Variants in SETD2 observed in about 807,000 individuals in gnomAD.
SETD2 encodes SET domain containing 2, histone lysine methyltransferase.
SETD2 carries 31 observed loss-of-function variants against 242.1 expected under a neutral mutation model. That is an observed-to-expected ratio of 0.13 (90% CI 0.10 to 0.17). SETD2 has a LOEUF of 0.17. Ranked by LOEUF, SETD2 falls within the 10% of genes least tolerant of loss-of-function variation. SETD2 has a pLI of 1.00. For missense variants in SETD2, 2,481 were observed against 3,046.3 expected (o/e 0.81, Z 4.37); for synonymous variants, 1,006 against 1,066.5 (o/e 0.94, Z 1.11).
chr3:47,121,549 T>A lies in SETD2; in HGVS notation c.3087A>T (p.Glu1029Asp), dbSNP rs1024384980. ...AATCTTCATGAACTGTAGACACAAT[T>A]TCTGGGGCATGACCACTACTGTCAC... ...LKCDSSGHAPEIVSTVHEDYS... is the reference protein window; with the variant it reads ...LKCDSSGHAPDIVSTVHEDYS... The change falls in exon 3 of 21, where the codon GAA becomes GAT. Residue 1029 changes from glutamate (E) to aspartate (D), a missense_variant. Glu to Asp is a conservative substitution (Grantham distance 45). This residue lies in a region of SETD2 where 1,300 missense variants were observed against 1,259.2 expected (regional missense o/e 1.03). Transcript: ENST00000409792. 6.2e-7 allele frequency: 1 copy of A among 1,614,050 alleles called. No homozygotes were observed. The highest frequency in any genetic ancestry group is 1.3e-5 in the African/African-American group (1 of 74,944).
intron 4 of SETD2, 61 bp downstream of exon 4, chr3:47,116,562 C>T (rs1248031523): frequency 6.6e-7 from 1 of 1,508,338 alleles, no homozygotes; most frequent in Admixed American, 2.0e-5. Flanking sequence ...ATTGATAATT[C>T]AATATTTAGA....
intron 12 of SETD2, among the ~76,000 whole-genome samples, chr3:47,082,603 G>C (rs929146712): frequency 9.2e-5 from 14 of 152,238 alleles, no homozygotes; most frequent in African/African-American, 3.1e-4. Context: ...TTAGAAAAAG[G>C]CCTGATTTCC....
At chr3:47,153,415 GCT>G (rs2044045407) in intron 1 of SETD2, among the ~76,000 whole-genome samples, 1 of 152,246 alleles carries the variant, frequency 6.6e-6, no homozygotes, top group East Asian at 1.9e-4. Context: ...TTTTGTCTTA[GCT>G]CTGTTGGCCA....
At chr3:47,148,032 G>A (rs2043900703) in intron 1 of SETD2, among the ~76,000 whole-genome samples, 1 of 151,898 alleles carries the variant, frequency 6.6e-6, no homozygotes, top group Admixed American at 6.6e-5. Flanking sequence ...ATACTCATTG[G>A]TGGGCTAAAA....
At chr3:47,020,170 C>T (rs929676943) in intron 18 of SETD2, among the ~76,000 whole-genome samples, 7 of 152,020 alleles carry the variant, frequency 4.6e-5, no homozygotes, top group African/African-American at 1.2e-4. Flanking sequence ...CAAGCAAGGC[C>T]GGCACAAAAC....
At chr3:47,144,152 A>G (rs532676309) in intron 1 of SETD2, among the ~76,000 whole-genome samples, 1 of 152,194 alleles carries the variant, frequency 6.6e-6, no homozygotes, top group South Asian at 2.1e-4. Context: ...ACAAAGAACT[A>G]CTCCAAGCTG....
chr3:47,115,853 C>T lies in SETD2; in HGVS notation c.4586+770G>A, dbSNP rs188853627. 7.7e-4 allele frequency among the ~76,000 whole-genome samples: 117 copies of T among 152,200 alleles called. 2 individuals carry two copies. The highest frequency in any genetic ancestry group is 2.6e-3 in the African/African-American group (110 of 41,524). ...TAGAGATGGGGTTTCACCATGTTGG[C>T]CAGGCTGATCCTAAACTCCTGGCCT... is the stretch of plus-strand genomic sequence containing the variant. On this transcript the variant is annotated intron_variant, in intron 4 of 20. Transcript: ENST00000409792.
rs2042756811 is a variant in SETD2 at position 47,113,982 on chromosome 3, C to G, written c.4609G>C (p.Asp1537His). Residue 1537 changes from aspartate (D) to histidine (H), a missense_variant, in exon 5 of 21, where the codon GAT (aspartate) becomes CAT (histidine). Around this residue, in one of 17 missense-constraint regions of SETD2, gnomAD observed 61 missense variants for 221.4 expected, o/e 0.28. Transcript: ENST00000409792. ...IECSSRCPNGDYCSNRRFQRK... is the reference protein window; with the variant it reads ...IECSSRCPNGHYCSNRRFQRK... ...TGAAACCGTCTATTGGAACAATAAT[C>G]CCCATTTGGACACCGAGAAGAACTG... is the stretch of plus-strand genomic sequence containing the variant. The G allele has an allele frequency of 7.4e-6, 12 of 1,611,196 alleles. No individual in the cohort carries two copies. Among genetic ancestry groups the G allele is most frequent in the Non-Finnish European group, 1.0e-5 (12 of 1,178,774 alleles).
intron 12 of SETD2, among the ~76,000 whole-genome samples, chr3:47,067,391 A>T (rs1348610312): frequency 6.7e-6 from 1 of 149,816 alleles, no homozygotes; most frequent in Non-Finnish European, 1.5e-5. Flanking sequence ...GGGCAAGGAT[A>T]CGCTTCCTGA....
At chr3:47,031,286 T>C (rs1386498185) in intron 18 of SETD2, among the ~76,000 whole-genome samples, 2 of 152,188 alleles carry the variant, frequency 1.3e-5, no homozygotes, top group African/African-American at 2.4e-5. Flanking sequence ...AGTAGATTCA[T>C]CAATTGTAAC....
At position 47,037,726 on chromosome 3, in the gene SETD2, G is replaced by A. The variant is rs760469263; in HGVS notation, c.7290C>T (p.Ser2430=). ...PTWESPGDDA[S]LEHEAEMDLG... ...GGTCCATCTCAGCTTCATGCTCAAGGCTGGCATCATCTCCTGGGCTTTCCC... is the reference window on the plus strand; with the variant it reads ...GGTCCATCTCAGCTTCATGCTCAAGACTGGCATCATCTCCTGGGCTTTCCC... Residue 2430 remains serine, a synonymous_variant, in exon 18 of 21, where the codon AGC becomes AGT. Coordinates refer to ENST00000409792, the MANE Select transcript of SETD2 (RefSeq NM_014159.7). 2.5e-6 allele frequency: 4 copies of A among 1,613,866 alleles called. No homozygotes were observed. The highest frequency in any genetic ancestry group is 4.5e-5 in the East Asian group (2 of 44,858).
chr3:47,084,990 C>G (rs2107642862), intron 11 of SETD2, among the ~76,000 whole-genome samples: 1 of 152,078 alleles, frequency 6.6e-6, no homozygotes, highest in East Asian at 1.9e-4. Flanking sequence ...CTCAGCCTCC[C>G]AAACTGCTGG....
rs1214033238 is a variant in SETD2, at chr3:47,120,466, T to C, written c.4170A>G (p.Ser1390=). 2.5e-6 allele frequency: 4 copies of C among 1,613,338 alleles called. No individual in the cohort carries two copies. The highest frequency in any genetic ancestry group is 3.4e-6 in the Non-Finnish European group (4 of 1,179,800). The change falls in exon 3 of 21, where the codon TCA becomes TCG. Residue 1390 remains serine, a synonymous_variant. Transcript: ENST00000409792. ...TLAVNEKKDF[S]KNLEKNDIKD... is the part of the protein sequence containing the mutation. ...TGATATCATTTTTTTCTAAGTTTTT[T>C]GAAAAATCTTTCTTTTCATTCACAG...
At position 47,120,344 on chromosome 3, in the gene SETD2, A is replaced by G. The variant is rs1226885899; in HGVS notation, c.4292T>C (p.Val1431Ala). The G allele has an allele frequency of 6.2e-7, 1 of 1,613,314 alleles. No individual in the cohort carries two copies. The highest frequency in any genetic ancestry group is 8.5e-7 in the Non-Finnish European group (1 of 1,179,810). Reference sequence around the variant, plus strand: ...GGGCACTGATGTCTCTCCCTGCTCTACCTCCACTCTAACTTTCTTTCTGTC... The same window carrying G: ...GGGCACTGATGTCTCTCCCTGCTCTGCCTCCACTCTAACTTTCTTTCTGTC... ...LQDRKKVRVE[V>A]EQGETSVPPG... The change falls in exon 3 of 21, where the codon GTA becomes GCA. Residue 1431 changes from valine to alanine, a missense_variant. Around this residue, in one of 17 missense-constraint regions of SETD2, gnomAD observed 1,300 missense variants for 1,259.2 expected, o/e 1.03. Transcript: ENST00000409792.
chr3:47,123,229 G>A lies in SETD2; in HGVS notation c.1407C>T (p.Tyr469=), dbSNP rs770493452. 160 of 1,561,216 alleles carry A rather than the reference G, an allele frequency of 1.0e-4. No individual in the cohort carries two copies. The highest frequency in any genetic ancestry group is 1.3e-4 in the Non-Finnish European group (154 of 1,151,102). The part of the protein sequence containing the change: ...SDSEEEYKKT[Y]SRRTSSHSSS... Reference sequence around the variant, plus strand: ...AGGAATGAGATGAGGTACGCCTTGAGTATGTCTTCTTATACTCTTCTTCTG... The same window carrying A: ...AGGAATGAGATGAGGTACGCCTTGAATATGTCTTCTTATACTCTTCTTCTG... Residue 469 remains tyrosine, a synonymous_variant, in exon 3 of 21, where the codon TAC becomes TAT. Transcript: ENST00000409792.
chr3:47,067,263 TTAAA>T, intron 12 of SETD2, 145 bp from the exon 13 acceptor site: 1 of 657,862 alleles, frequency 1.5e-6, no homozygotes, highest in Non-Finnish European at 2.7e-6. Flanking sequence ...TATCTGGGCT[TTAAA>T]TAAGAATATA....
At chr3:47,027,788 T>TTTTTG (rs2038565463) in intron 18 of SETD2, among the ~76,000 whole-genome samples, 2 of 151,546 alleles carry the variant, frequency 1.3e-5, no homozygotes, top group South Asian at 2.1e-4. Flanking sequence ...GCTGGTTTTT[T>TTTTTG]TTTTTGTTTT....
chr3:47,082,362 C>T (rs574140003), intron 12 of SETD2, among the ~76,000 whole-genome samples: 9 of 152,294 alleles, frequency 5.9e-5, no homozygotes, highest in Non-Finnish European at 1.3e-4. Context: ...CATTTGTGTA[C>T]TTGTCTTCAT....
At chr3:47,164,209 TGCCGCCAGTCG>T (rs1575864172), upstream of SETD2, among the ~76,000 whole-genome samples, 1 of 152,064 alleles carries the variant, frequency 6.6e-6, no homozygotes, top group African/African-American at 2.4e-5. The surrounding 1 kb of genome is among the most constrained non-coding windows in gnomAD (Gnocchi z 5.4). Flanking sequence ...GCCACCGATC[TGCCGCCAGTCG>T]GCGTGCCTTG....
Sources: allele counts gnomAD v4.1 joint callset (sites outside exome capture counted in the v4.1 genomes callset), GRCh38; gene constraint gnomAD v4.1.1; regional missense constraint gnomAD v4.1.1; non-coding constraint Gnocchi (gnomAD v3.1); transcripts MANE v1.5; gene names NCBI Gene and HGNC (gene_info 2026-07-23, HGNC 2026-07-21).